Variants in RBFOX1 observed in about 807,000 individuals in gnomAD.
The protein encoded by RBFOX1 is RNA binding fox-1 homolog 1, also known as RNA binding protein fox-1 homolog 1.
In RBFOX1, 8 loss-of-function variants were observed where a neutral mutation model predicts 57.7. The observed-to-expected ratio is 0.14, with a 90% CI of 0.08 to 0.25. The LOEUF is 0.25. Ranked by LOEUF, RBFOX1 falls within the 10% of genes least tolerant of loss-of-function variation. The pLI is 1.00. For synonymous variants in RBFOX1, 326 were observed against 222.4 expected, an observed-to-expected ratio of 1.47 and a Z score of -4.15; for missense variants, 611 against 548.5, an observed-to-expected ratio of 1.11 and a Z score of -1.14.
intron 14 of RBFOX1, 36 bp from the exon 15 acceptor site, chr16:7,709,020 A>G (rs766623230): frequency 1.9e-6 from 3 of 1,555,742 alleles, no homozygotes; most frequent in East Asian, 2.2e-5. Flanking sequence ...GTAATTGCAT[A>G]CTGTGGATCA....
intron 4 of RBFOX1, among the ~76,000 whole-genome samples, chr16:7,412,450 G>A (rs145262895): frequency 6.5e-4 from 98 of 151,270 alleles, no homozygotes; most frequent in Non-Finnish European, 1.3e-3. Flanking sequence ...GGGAAATTGT[G>A]GAGTACATGG....
chr16:6,158,023 A>C (rs2096850793), intron 1 of RBFOX1, among the ~76,000 whole-genome samples: 1 of 152,206 alleles, frequency 6.6e-6, no homozygotes, highest in African/African-American at 2.4e-5. Flanking sequence ...ACATTTGAAG[A>C]TGGAGGATAA....
At chr16:7,463,534 C>T (rs1365127033) in intron 4 of RBFOX1, among the ~76,000 whole-genome samples, 1 of 152,274 alleles carries the variant, frequency 6.6e-6, no homozygotes, top group East Asian at 1.9e-4. Flanking sequence ...AAATCCCCAT[C>T]AACAGAGTCC....
At chr16:7,203,866 G>A (rs760936664) in intron 4 of RBFOX1, among the ~76,000 whole-genome samples, 1 of 152,234 alleles carries the variant, frequency 6.6e-6, no homozygotes, top group African/African-American at 2.4e-5. Flanking sequence ...TTTGTCCAGA[G>A]AGCCAGTCCT....
At chr16:7,022,978 G>A (rs963070124) in intron 3 of RBFOX1, among the ~76,000 whole-genome samples, 1 of 152,110 alleles carries the variant, frequency 6.6e-6, no homozygotes, top group Non-Finnish European at 1.5e-5. Context: ...GGCAGAATGG[G>A]CAGTGAAATG....
intron 4 of RBFOX1, among the ~76,000 whole-genome samples, chr16:7,303,196 C>G (rs1241441832): frequency 6.6e-6 from 1 of 152,240 alleles, no homozygotes; most frequent in Non-Finnish European, 1.5e-5. Context: ...TCGGGGCTGC[C>G]TGCCCAACCA....
intron 4 of RBFOX1, among the ~76,000 whole-genome samples, chr16:7,271,476 T>C (rs77445343): frequency 0.015 from 2,240 of 152,276 alleles, 50 homozygotes; most frequent in African/African-American, 0.051. Flanking sequence ...TTTGCCAGTT[T>C]CTTTGTATCA....
At chr16:6,869,571 G>C (rs571727416) in intron 3 of RBFOX1, among the ~76,000 whole-genome samples, 1 of 151,694 alleles carries the variant, frequency 6.6e-6, no homozygotes, top group Non-Finnish European at 1.5e-5. Flanking sequence ...ATTAATTTCT[G>C]TGCAGAGTAG....
At chr16:7,636,820 A>T (rs1318192298) in intron 11 of RBFOX1, among the ~76,000 whole-genome samples, 2 of 141,550 alleles carry the variant, frequency 1.4e-5, no homozygotes, top group Non-Finnish European at 1.6e-5. Flanking sequence ...TGTTTTCACA[A>T]GAGAGAGACA....
At chr16:5,727,969 C>G (rs538445453) in intron 3 of RBFOX1, among the ~76,000 whole-genome samples, 1 of 152,298 alleles carries the variant, frequency 6.6e-6, no homozygotes, top group East Asian at 1.9e-4. Flanking sequence ...TTACAGGAGA[C>G]AGCTACCATG....
At chr16:5,334,153 A>C (rs563196692) in intron 1 of RBFOX1, among the ~76,000 whole-genome samples, 1 of 152,214 alleles carries the variant, frequency 6.6e-6, no homozygotes, top group East Asian at 1.9e-4. Context: ...GGAGAAGTTT[A>C]TTGTGGAGTT....
At chr16:7,180,893 C>T (rs2082568424) in intron 4 of RBFOX1, among the ~76,000 whole-genome samples, 1 of 152,194 alleles carries the variant, frequency 6.6e-6, no homozygotes, top group Admixed American at 6.5e-5. Flanking sequence ...CAAACTTTTC[C>T]TGCAGAGGGT....
At chr16:7,440,471 C>T (rs921471775) in intron 4 of RBFOX1, among the ~76,000 whole-genome samples, 9 of 152,082 alleles carry the variant, frequency 5.9e-5, no homozygotes, top group Non-Finnish European at 1.2e-4. Context: ...ATGGGTATGG[C>T]TTATGAAGGC....
intron 3 of RBFOX1, among the ~76,000 whole-genome samples, chr16:5,629,575 G>C (rs546163988): frequency 1.3e-5 from 2 of 152,218 alleles, no homozygotes; most frequent in African/African-American, 4.8e-5. Context: ...CTGAGAAGCT[G>C]CTTTAGCTTA....
At chr16:5,839,758 T>A (rs2056569446) in intron 3 of RBFOX1, among the ~76,000 whole-genome samples, 1 of 152,186 alleles carries the variant, frequency 6.6e-6, no homozygotes. Flanking sequence ...AACCTCCCAC[T>A]GTGTTTCAAG....
intron 4 of RBFOX1, among the ~76,000 whole-genome samples, chr16:7,354,764 T>G (rs2097185485): frequency 1.3e-5 from 2 of 152,190 alleles, no homozygotes; most frequent in Admixed American, 1.3e-4. Context: ...TCAGTAGCCC[T>G]CAAAACTGTG....
intron 3 of RBFOX1, among the ~76,000 whole-genome samples, chr16:7,000,639 C>G (rs1319655407): frequency 1.6e-5 from 2 of 123,042 alleles, no homozygotes; most frequent in Non-Finnish European, 3.1e-5. Context: ...TCGCTCTCCT[C>G]TGTCGCCCAG....
chr16:5,848,187 C>A (rs753895411), intron 3 of RBFOX1, among the ~76,000 whole-genome samples: 13 of 152,128 alleles, frequency 8.5e-5, no homozygotes, highest in Non-Finnish European at 1.8e-4. Context: ...TTTTGTCCAG[C>A]CTGACACCAC....
chr16:7,156,810 T>A (rs1012366564), intron 4 of RBFOX1, among the ~76,000 whole-genome samples: 4 of 152,204 alleles, frequency 2.6e-5, no homozygotes, highest in Non-Finnish European at 4.4e-5. Context: ...TCTGTACTTG[T>A]ACATGCACAA....
Sources: gnomAD v4.1 joint callset for allele counts (sites outside exome capture counted in the v4.1 genomes callset) on GRCh38, gnomAD v4.1.1 for gene constraint, MANE v1.5 for transcripts, NCBI Gene and HGNC (gene_info 2026-07-23, HGNC 2026-07-21) for gene names.